SLC14A2: variants seen among roughly 807,000 people sequenced by gnomAD.
The protein encoded by SLC14A2 is urea transporter 2.
SLC14A2 carries 91 observed loss-of-function variants against 104.6 expected under a neutral mutation model. The ratio of observed to expected loss-of-function variants is 0.87; its 90% CI spans 0.73 to 1.04. The LOEUF (loss-of-function observed/expected upper bound fraction) is 1.04, where lower values mean the gene tolerates loss of function less well. Among genes scored for constraint, SLC14A2 ranks in the 50% least tolerant of loss-of-function variants. The pLI is 0.00. For missense variants in SLC14A2, 1,189 were observed against 1,156.0 expected (o/e 1.03, Z -0.41); for synonymous variants, 476 against 466.4 (o/e 1.02, Z -0.27).
At chr18:45,524,077 G>A (rs1304283612) in intron 2 of SLC14A2, among the ~76,000 whole-genome samples, 3 of 152,150 alleles carry the variant, frequency 2.0e-5, no homozygotes, top group African/African-American at 7.2e-5. Context: ...GTCTTTCCTG[G>A]CTATTGTAAG....
rs2084433395 is a variant in SLC14A2 at position 45,252,482 on chromosome 18, A to T, written c.-125+39291A>T. Among the ~76,000 whole-genome samples, 3 of 152,248 alleles carry T rather than the reference A, an allele frequency of 2.0e-5. No individual in the cohort carries two copies. The South Asian group carries it at 6.2e-4, about 31-fold the overall frequency. On this transcript the variant is annotated intron_variant, in intron 1 of 20. Transcript: ENST00000586448. ...AACATATTAACAAAAAGTTAGATGG[A>T]TATAATCCAGAACATAAACAGATAT...
At chr18:45,542,649 G>C in intron 2 of SLC14A2, among the ~76,000 whole-genome samples, 1 of 152,290 alleles carries the variant, frequency 6.6e-6, no homozygotes, top group Middle Eastern at 3.4e-3. Context: ...GATCAGTGAA[G>C]TACTGTCTAG....
chr18:45,605,972 A>G (rs1246629781), intron 2 of SLC14A2, among the ~76,000 whole-genome samples: 1 of 152,176 alleles, frequency 6.6e-6, no homozygotes. Context: ...TGAGTTCCAT[A>G]CTGAAATAAC....
chr18:45,537,907 G>T (rs544345770), intron 2 of SLC14A2, among the ~76,000 whole-genome samples: 1 of 152,284 alleles, frequency 6.6e-6, no homozygotes, highest in East Asian at 1.9e-4. Context: ...TCAGCAGAGA[G>T]GTCTGGGTTG....
intron 1 of SLC14A2, among the ~76,000 whole-genome samples, chr18:45,616,633 C>A (rs979929261): frequency 6.6e-6 from 1 of 152,160 alleles, no homozygotes; most frequent in Non-Finnish European, 1.5e-5. Context: ...TGGGGAGGGC[C>A]TGGCTTAAAG....
chr18:45,406,414 C>T (rs778146129), intron 1 of SLC14A2, among the ~76,000 whole-genome samples: 5 of 152,206 alleles, frequency 3.3e-5, no homozygotes, highest in African/African-American at 9.6e-5. Context: ...TAACTTCCTC[C>T]ACTAAAGTCT....
chr18:45,411,290 A>G (rs2086212922), intron 1 of SLC14A2, among the ~76,000 whole-genome samples: 1 of 152,188 alleles, frequency 6.6e-6, no homozygotes, highest in South Asian at 2.1e-4. Flanking sequence ...TAGCCTGGTA[A>G]TCTCACCAGA....
the SLC14A2 span, among the ~76,000 whole-genome samples, chr18:45,169,373 G>A: frequency 3.9e-5 from 6 of 152,078 alleles, no homozygotes; most frequent in African/African-American, 7.2e-5. Flanking sequence ...CTGCATGTGC[G>A]CTTACACAAC....
chr18:45,415,967 A>G (rs2086272445), intron 1 of SLC14A2, among the ~76,000 whole-genome samples: 1 of 152,200 alleles, frequency 6.6e-6, no homozygotes, highest in Non-Finnish European at 1.5e-5. Context: ...AACTGCGCCA[A>G]GGGAAAACAA....
At chr18:45,171,499 A>G in the SLC14A2 span, among the ~76,000 whole-genome samples, 4 of 152,170 alleles carry the variant, frequency 2.6e-5, no homozygotes, top group African/African-American at 2.4e-5. Flanking sequence ...GAAATTTTCA[A>G]TTGATAGGTT....
chr18:45,280,003 T>C (rs1033165779), intron 1 of SLC14A2, among the ~76,000 whole-genome samples: 1 of 152,168 alleles, frequency 6.6e-6, no homozygotes, highest in Non-Finnish European at 1.5e-5. Flanking sequence ...CCTGTGGTTG[T>C]CACAACCAAA....
intron 1 of SLC14A2, among the ~76,000 whole-genome samples, chr18:45,417,507 A>G (rs2086290651): frequency 6.6e-6 from 1 of 152,206 alleles, no homozygotes; most frequent in Non-Finnish European, 1.5e-5. Context: ...CAGGAAGGAG[A>G]ACTGCCAAGC....
chr18:45,283,655 C>T (rs1291544173), intron 1 of SLC14A2, among the ~76,000 whole-genome samples: 2 of 152,318 alleles, frequency 1.3e-5, no homozygotes, highest in South Asian at 4.1e-4. Context: ...ACTGTGTATT[C>T]AACAGGTCTC....
chr18:45,608,767 A>G (rs548099681), intron 2 of SLC14A2, among the ~76,000 whole-genome samples: 1 of 152,346 alleles, frequency 6.6e-6, no homozygotes, highest in East Asian at 1.9e-4. Flanking sequence ...CAACTAATGC[A>G]ACTCTAAGTA....
chr18:45,194,147 A>C, the SLC14A2 span, among the ~76,000 whole-genome samples: 3 of 152,210 alleles, frequency 2.0e-5, no homozygotes, highest in African/African-American at 7.2e-5. Context: ...TCAGTGAATA[A>C]AGATATTTTC....
chr18:45,329,988 A>G (rs1322292682), intron 1 of SLC14A2, among the ~76,000 whole-genome samples: 1 of 152,212 alleles, frequency 6.6e-6, no homozygotes, highest in Non-Finnish European at 1.5e-5. Flanking sequence ...CAAGTGCTTT[A>G]TATACATACT....
At chr18:45,570,902 G>A (rs2044335977) in intron 2 of SLC14A2, among the ~76,000 whole-genome samples, 1 of 152,220 alleles carries the variant, frequency 6.6e-6, no homozygotes, top group African/African-American at 2.4e-5. Context: ...TTGTTGCTCT[G>A]TGTTGAGTCC....
At chr18:45,613,979 G>A (rs2045017304), upstream of SLC14A2, among the ~76,000 whole-genome samples, 1 of 152,218 alleles carries the variant, frequency 6.6e-6, no homozygotes. Context: ...AGACAATGGG[G>A]AAGATTACTC....
intron 2 of SLC14A2, chr18:45,507,284 G>A (rs1311708405): frequency 2.0e-5 from 3 of 152,502 alleles, no homozygotes; most frequent in African/African-American, 7.2e-5. Context: ...AGTTGGGAGA[G>A]CATTGATGAC....
Sources: allele counts gnomAD v4.1 joint callset (sites outside exome capture counted in the v4.1 genomes callset), GRCh38; gene constraint gnomAD v4.1.1; transcripts MANE v1.5; gene names NCBI Gene and HGNC (gene_info 2026-07-23, HGNC 2026-07-21).